ELFN1: variants seen among roughly 807,000 people sequenced by gnomAD.
The protein encoded by ELFN1 is extracellular leucine rich repeat and fibronectin type III domain containing 1, also known as protein ELFN1.
ELFN1 carries 6 observed loss-of-function variants against 7.6 expected under a neutral mutation model. The ratio of observed to expected loss-of-function variants is 0.79; its 90% confidence interval spans 0.43 to 1.56. The LOEUF (loss-of-function observed/expected upper bound fraction) is 1.56, where lower values mean the gene tolerates loss of function less well. Among genes scored for constraint, ELFN1 ranks in the 40% most tolerant of loss-of-function variants. The probability of loss-of-function intolerance (pLI) is 0.01; values close to 1 mark genes in which losing one functional copy is unlikely to be tolerated. For missense variants in ELFN1, 1,169 were observed against 1,232.2 expected, an observed-to-expected ratio of 0.95 and a Z score of 0.77; for synonymous variants, 657 against 588.1, an observed-to-expected ratio of 1.12 and a Z score of -1.70.
rs953337297 is a variant in ELFN1 at position 1,705,537 on chromosome 7, C to T, written c.-455-3554C>T. 3.9e-5 allele frequency among the ~76,000 whole-genome samples: 6 copies of T among 152,304 alleles called. No individual in the cohort carries two copies. Among genetic ancestry groups the T allele is most frequent in the African/African-American group, 9.6e-5 (4 of 41,566 alleles). On this transcript the variant is annotated intron_variant, in intron 2 of 3. Transcript: ENST00000424383. This position sits in a 1 kb window ranked among gnomAD's most constrained non-coding sequence, Gnocchi z 4.3. ...CGAGGGCACTGCTGGGCCCCCCTTC[C>T]GACGGCACACAGTGGGCACCTCAGA...
chr7:1,677,456 A>G (rs1252894465), intron 1 of ELFN1, among the ~76,000 whole-genome samples: 1 of 152,170 alleles, frequency 6.6e-6, no homozygotes, highest in Non-Finnish European at 1.5e-5. Context: ...GGGAGCAGGC[A>G]CGCATGTTCA....
At chr7:1,693,940 G>GCCCC (rs1355187596) in intron 2 of ELFN1, 1 of 391,008 alleles carries the variant, frequency 2.6e-6, no homozygotes, top group Non-Finnish European at 5.3e-6. Context: ...CACTCGGGAA[G>GCCCC]CCCCCGTCTG....
intron 1 of ELFN1, among the ~76,000 whole-genome samples, chr7:1,686,379 C>A (rs1242543832): frequency 7.1e-6 from 1 of 141,062 alleles, no homozygotes; most frequent in Non-Finnish European, 1.5e-5. Flanking sequence ...GTGGTGTGAT[C>A]ATAGCTCACT....
chr7:1,701,076 TGCGTGTGTGTGTGC>T lies in ELFN1; in HGVS notation c.-455-8003_-455-7990del, dbSNP rs1297379224. Reference sequence around the variant, plus strand: ...TGATGTATGTATGCGTGTGTATGTGTGCGTGTGTGTGTGCGCGTGTGTGTGCGCATATGTGTGCG... The same window carrying T: ...TGATGTATGTATGCGTGTGTATGTGTGCGTGTGTGTGCGCATATGTGTGCG... On this transcript the variant is annotated intron_variant, in intron 2 of 3. Coordinates refer to ENST00000424383, the MANE Select transcript of ELFN1 (RefSeq NM_001128636.4). Among the ~76,000 whole-genome samples, 7 of 152,190 alleles carry T rather than the reference TGCGTGTGTGTGTGC, an allele frequency of 4.6e-5. No individual in the cohort carries two copies. In the East Asian group the frequency reaches 5.8e-4, roughly 13 times the overall value.
intron 2 of ELFN1, among the ~76,000 whole-genome samples, chr7:1,698,685 T>A (rs955185065): frequency 1.3e-5 from 2 of 152,262 alleles, no homozygotes; most frequent in South Asian, 2.1e-4. Flanking sequence ...GGCTCCACCA[T>A]GCAAGAGAAG....
At chr7:1,677,719 A>G (rs1334730915) in intron 1 of ELFN1, among the ~76,000 whole-genome samples, 1 of 151,614 alleles carries the variant, frequency 6.6e-6, no homozygotes, top group Non-Finnish European at 1.5e-5. Context: ...CGTGGCTCTG[A>G]TGTGAAATTC....
chr7:1,697,369 C>T (rs1161450805), intron 2 of ELFN1, among the ~76,000 whole-genome samples: 1 of 152,154 alleles, frequency 6.6e-6, no homozygotes, highest in Admixed American at 6.5e-5. Flanking sequence ...ATCTGGGCTG[C>T]TGGAGGGGCC....
chr7:1,729,580 C>T (rs1029477652), intron 3 of ELFN1, among the ~76,000 whole-genome samples: 6 of 152,346 alleles, frequency 3.9e-5, no homozygotes, highest in South Asian at 2.1e-4. Context: ...GTGCCCAGGA[C>T]GGACACGGCT....
Position 1,744,699 on chromosome 7 carries a change from G to A in ELFN1, c.103G>A (p.Asp35Asn), listed in dbSNP as rs764452221. ...ARADCWLIEG[D>N]KGFVWLAICS... is the part of the protein sequence containing the mutation. ...CGCAGACTGCTGGCTGATCGAGGGC[G>A]ACAAGGGCTTCGTGTGGCTGGCCAT... The change falls in exon 4 of 4, where the codon GAC becomes AAC. Residue 35 changes from aspartate (D) to asparagine (N), a missense_variant. This residue lies in a region of ELFN1 where 255 missense variants were observed against 359.6 expected (regional missense o/e 0.71). Transcript: ENST00000424383. The A allele has an allele frequency of 5.3e-5, 82 of 1,551,456 alleles. No individual in the cohort carries two copies. Among genetic ancestry groups the A allele is most frequent in the South Asian group, 1.1e-4 (9 of 84,064 alleles).
Position 1,745,352 on chromosome 7 carries a change from G to A in ELFN1, c.756G>A (p.Glu252=). ...GCAAACTGCAGTCAGTCTGCACCGA[G>A]GACTCGTACGCGGCTGAGGTGGTCG... ...ILSKLQSVCT[E]DSYAAEVVGP... Residue 252 remains glutamate (E), a synonymous_variant, in exon 4 of 4, where the codon GAG becomes GAA. Transcript: ENST00000424383. 6.5e-7 allele frequency: 1 copy of A among 1,539,906 alleles called. No homozygotes were observed. Among genetic ancestry groups the A allele is most frequent in the Non-Finnish European group, 8.7e-7 (1 of 1,146,520 alleles).
intron 3 of ELFN1, among the ~76,000 whole-genome samples, chr7:1,732,130 T>C (rs1780337742): frequency 6.6e-6 from 1 of 151,528 alleles, no homozygotes; most frequent in Non-Finnish European, 1.5e-5. Flanking sequence ...CAGCGTGGGG[T>C]CACAGCGGAG....
chr7:1,728,034 GGC>G (rs1239691163), intron 3 of ELFN1, among the ~76,000 whole-genome samples: 1 of 152,164 alleles, frequency 6.6e-6, no homozygotes, highest in Non-Finnish European at 1.5e-5. Flanking sequence ...CCTTTGCATG[GGC>G]GGTTTTCTGT....
intron 3 of ELFN1, among the ~76,000 whole-genome samples, chr7:1,712,817 C>CG (rs1779700988): frequency 6.6e-6 from 1 of 152,334 alleles, no homozygotes; most frequent in South Asian, 2.1e-4. Flanking sequence ...CTACCTCTGG[C>CG]GTCCCTCTTT....
intron 2 of ELFN1, chr7:1,692,470 C>T (rs868022255): frequency 6.6e-6 from 1 of 152,410 alleles, no homozygotes; most frequent in Admixed American, 6.5e-5. Flanking sequence ...GGGCTGGGAG[C>T]TTAGGGATCT....
chr7:1,680,778 G>A (rs1399395650), intron 1 of ELFN1, among the ~76,000 whole-genome samples: 2 of 124,252 alleles, frequency 1.6e-5, no homozygotes, highest in African/African-American at 6.3e-5. Flanking sequence ...ATCTCACTCT[G>A]TTGCCTAGGC....
Position 1,705,965 on chromosome 7 carries a change from G to A in ELFN1, c.-455-3126G>A, listed in dbSNP as rs1010163744. 1.2e-4 allele frequency among the ~76,000 whole-genome samples: 19 copies of A among 152,190 alleles called. No individual in the cohort carries two copies. The highest frequency in any genetic ancestry group is 4.1e-4 in the African/African-American group (17 of 41,438). ...TTCACCCTGACAAAGGGATGGTCACGATCGTCCTTGTTCTACAGGGAGGGA... is the reference window on the plus strand; with the variant it reads ...TTCACCCTGACAAAGGGATGGTCACAATCGTCCTTGTTCTACAGGGAGGGA... On this transcript the variant is annotated intron_variant, in intron 2 of 3. Transcript: ENST00000424383. This position sits in a 1 kb window ranked among gnomAD's most constrained non-coding sequence, Gnocchi z 4.3.
intron 2 of ELFN1, among the ~76,000 whole-genome samples, chr7:1,707,610 C>G (rs1779562993): frequency 6.6e-6 from 1 of 152,222 alleles, no homozygotes; most frequent in Non-Finnish European, 1.5e-5. Context: ...GGGTGTGGGC[C>G]TGGAAGCCTC....
chr7:1,696,759 G>T (rs1198542085), intron 2 of ELFN1, among the ~76,000 whole-genome samples: 1 of 152,014 alleles, frequency 6.6e-6, no homozygotes, highest in Non-Finnish European at 1.5e-5. Context: ...TCATGACCTC[G>T]GCTAACTCCG....
chr7:1,686,199 T>G (rs1389737253), intron 1 of ELFN1, among the ~76,000 whole-genome samples: 6 of 151,876 alleles, frequency 4.0e-5, no homozygotes, highest in Admixed American at 3.9e-4. Flanking sequence ...CTAGTATTGC[T>G]GGGTTTTGTT....
Sources: gnomAD v4.1 joint callset for allele counts (sites outside exome capture counted in the v4.1 genomes callset) on GRCh38, gnomAD v4.1.1 for gene constraint, gnomAD v4.1.1 regional missense constraint, Gnocchi (gnomAD v3.1) non-coding constraint, MANE v1.5 for transcripts, NCBI Gene and HGNC (gene_info 2026-07-23, HGNC 2026-07-21) for gene names.